Variants in COL5A2 observed in about 807,000 individuals in gnomAD.
The protein encoded by COL5A2 is collagen type V alpha 2 chain, also known as collagen alpha-2(V) chain.
COL5A2 carries 23 observed loss-of-function variants against 208.2 expected under a neutral mutation model. The observed-to-expected ratio is 0.11, with a 90% CI of 0.08 to 0.16. COL5A2 has a LOEUF of 0.16. Ranked by LOEUF, COL5A2 falls within the 10% of genes least tolerant of loss-of-function variation. The probability of loss-of-function intolerance (pLI) is 1.00; values close to 1 mark genes in which losing one functional copy is unlikely to be tolerated. For missense variants in COL5A2, 1,590 were observed against 1,956.4 expected (o/e 0.81, Z 3.53); for synonymous variants, 625 against 628.5 (o/e 0.99, Z 0.08).
the COL5A2 span, among the ~76,000 whole-genome samples, chr2:189,358,576 T>G: frequency 3.1e-4 from 47 of 152,318 alleles, no homozygotes; most frequent in South Asian, 4.1e-3. Context: ...TGGTTCCATA[T>G]AAATTTTAGG....
At chr2:189,359,379 T>A in the COL5A2 span, among the ~76,000 whole-genome samples, 1 of 152,182 alleles carries the variant, frequency 6.6e-6, no homozygotes, top group African/African-American at 2.4e-5. Context: ...TCACATTTAT[T>A]GATATGCACA....
In COL5A2 at chr2:189,068,837, C is replaced by A. The variant is rs763376408; in HGVS notation, c.1206G>T (p.Gly402=). 6 of 1,613,362 alleles carry A rather than the reference C, an allele frequency of 3.7e-6. No homozygotes were observed. In the Admixed American group the frequency reaches 8.3e-5, roughly 22 times the overall value. ...TGARGPEGPQ[G]QRGETGPPGP... Reference sequence around the variant, plus strand: ...CTGGGGGCCCAGTTTCACCTCTCTGCCCCTGAGGACCTTCAGGGCCTCGCG... The same window carrying A: ...CTGGGGGCCCAGTTTCACCTCTCTGACCCTGAGGACCTTCAGGGCCTCGCG... Residue 402 remains glycine, a synonymous_variant, in exon 19 of 54, where the codon GGG becomes GGT. Transcript: ENST00000374866.
chr2:189,412,577 G>A, the COL5A2 span, among the ~76,000 whole-genome samples: 4 of 152,062 alleles, frequency 2.6e-5, no homozygotes, highest in Non-Finnish European at 5.9e-5. Flanking sequence ...TTGCAGTTGT[G>A]GCTTCAGTTT....
chr2:189,211,316 C>A (rs113015052), intron 1 of COL5A2, among the ~76,000 whole-genome samples: 6,240 of 152,206 alleles, frequency 0.041, 212 homozygotes, highest in Non-Finnish European at 0.065. Flanking sequence ...GTAAAACTTA[C>A]CAAACTCTCC....
intron 25 of COL5A2, 65 bp downstream of exon 25, chr2:189,064,492 C>G: frequency 8.8e-7 from 1 of 1,135,544 alleles, no homozygotes; most frequent in Non-Finnish European, 1.3e-6. Flanking sequence ...AAACAAAAAC[C>G]CGACCAATGC....
rs1686643174 is a variant in COL5A2, at chr2:189,085,709, T to C, written c.744+10A>G. On this transcript the variant is annotated intron_variant, in intron 10 of 53. Coordinates refer to ENST00000374866, the MANE Select transcript of COL5A2 (RefSeq NM_000393.5). ...ATGTAACTGGGTCTACATGCTTACT[T>C]GACATTTACCATTGGTCCAGGATCA... 2 of 1,612,218 alleles carry C rather than the reference T, an allele frequency of 1.2e-6. No homozygotes were observed. Among genetic ancestry groups the C allele is most frequent in the African/African-American group, 2.7e-5 (2 of 74,852 alleles).
chr2:189,389,582 A>G, the COL5A2 span, among the ~76,000 whole-genome samples: 1 of 152,168 alleles, frequency 6.6e-6, no homozygotes, highest in African/African-American at 2.4e-5. Flanking sequence ...TCACTCCATA[A>G]ATTTTAGATT....
chr2:189,082,903 A>G (rs966912900), intron 12 of COL5A2, among the ~76,000 whole-genome samples: 7 of 152,332 alleles, frequency 4.6e-5, no homozygotes, highest in Non-Finnish European at 1.0e-4. Flanking sequence ...TCCCAGGCTG[A>G]TCGAGGAGGA....
chr2:189,039,401 G>A lies in COL5A2; in HGVS notation c.3796C>T (p.Pro1266Ser), dbSNP rs761809422. The A allele has an allele frequency of 6.2e-7, 1 of 1,613,928 alleles. No individual in the cohort carries two copies. Among genetic ancestry groups the A allele is most frequent in the Non-Finnish European group, 8.5e-7 (1 of 1,179,988 alleles). Reference sequence around the variant, plus strand: ...GACTTCAGGGTAGCATGAACCCCTGGGTCCGTTTTGTTTTTGTCATCAGGA... The same window carrying A: ...GACTTCAGGGTAGCATGAACCCCTGAGTCCGTTTTGTTTTTGTCATCAGGA... ...AAPDDKNKTD[P>S]GVHATLKSLS... is the part of the protein sequence containing the mutation. Residue 1266 changes from proline (P) to serine (S), a missense_variant, in exon 51 of 54, where the codon CCA (proline) becomes TCA (serine). Physicochemically the swap from Pro to Ser is moderately conservative, Grantham distance 74 (BLOSUM62 -1). Coordinates refer to ENST00000374866, the MANE Select transcript of COL5A2 (RefSeq NM_000393.5).
chr2:189,232,118 G>C, the COL5A2 span, among the ~76,000 whole-genome samples: 2 of 151,636 alleles, frequency 1.3e-5, no homozygotes, highest in Non-Finnish European at 1.5e-5. Flanking sequence ...TAACTCCAAG[G>C]GTTTGAATAA....
the COL5A2 span, among the ~76,000 whole-genome samples, chr2:189,249,582 G>A: frequency 6.6e-6 from 1 of 152,174 alleles, no homozygotes; most frequent in Non-Finnish European, 1.5e-5. Context: ...TATCTTGATT[G>A]AGTAATCCTG....
chr2:189,067,992 A>T (rs776666480), intron 21 of COL5A2, 23 bp downstream of exon 21: 8 of 1,575,692 alleles, frequency 5.1e-6, no homozygotes, highest in Non-Finnish European at 4.4e-6. Context: ...CTAAAGGATG[A>T]TAGTTCTTTC....
At chr2:189,383,774 C>T in the COL5A2 span, among the ~76,000 whole-genome samples, 1 of 152,038 alleles carries the variant, frequency 6.6e-6, no homozygotes. Flanking sequence ...TCTAATTCCA[C>T]TTTCCTAGTT....
chr2:189,055,408 C>T (rs967329652), intron 35 of COL5A2, among the ~76,000 whole-genome samples: 23 of 152,154 alleles, frequency 1.5e-4, no homozygotes, highest in African/African-American at 5.3e-4. Context: ...ATAACTGTGT[C>T]TTGCCTCTTC....
the COL5A2 span, among the ~76,000 whole-genome samples, chr2:189,392,707 C>T: frequency 6.6e-6 from 1 of 152,086 alleles, no homozygotes; most frequent in African/African-American, 2.4e-5. Context: ...GAATTCATTG[C>T]AGTGTTAACA....
At chr2:189,384,100 T>C in the COL5A2 span, among the ~76,000 whole-genome samples, 1 of 152,186 alleles carries the variant, frequency 6.6e-6, no homozygotes, top group Non-Finnish European at 1.5e-5. Context: ...ATTATTTATA[T>C]GGCTGAATAA....
intron 1 of COL5A2, among the ~76,000 whole-genome samples, chr2:189,142,220 C>A (rs1180832466): frequency 6.6e-6 from 1 of 151,998 alleles, no homozygotes; most frequent in Non-Finnish European, 1.5e-5. Context: ...AACAAGATTA[C>A]TCTTCGAACT....
At chr2:189,389,689 G>A in the COL5A2 span, among the ~76,000 whole-genome samples, 1 of 152,076 alleles carries the variant, frequency 6.6e-6, no homozygotes, top group Non-Finnish European at 1.5e-5. Flanking sequence ...GTATTCACAA[G>A]AGACAAAAAA....
intron 1 of COL5A2, among the ~76,000 whole-genome samples, chr2:189,151,482 A>G (rs927790042): frequency 6.6e-6 from 1 of 152,176 alleles, no homozygotes; most frequent in Non-Finnish European, 1.5e-5. Context: ...ATGACTGAAA[A>G]CATACATGAC....
Sources: allele counts gnomAD v4.1 joint callset (sites outside exome capture counted in the v4.1 genomes callset), GRCh38; gene constraint gnomAD v4.1.1; transcripts MANE v1.5; gene names NCBI Gene and HGNC (gene_info 2026-07-23, HGNC 2026-07-21).